The following FAM168B variants were observed in gnomAD, a reference collection of about 807,000 sequenced individuals.
FAM168B encodes the protein family with sequence similarity 168 member B, also known as myelin-associated neurite-outgrowth inhibitor.
In FAM168B, 19 loss-of-function variants were observed where a neutral mutation model predicts 21.8. The ratio of observed to expected loss-of-function variants is 0.87; its 90% confidence interval spans 0.61 to 1.28. The LOEUF is 1.28. Ranked by LOEUF, FAM168B falls within the 50% of genes most tolerant of loss-of-function variation. The probability of loss-of-function intolerance (pLI) is 0.00; values close to 1 mark genes in which losing one functional copy is unlikely to be tolerated. For missense variants in FAM168B, 233 were observed against 263.1 expected (o/e 0.89, Z 0.79); for synonymous variants, 126 against 104.8 (o/e 1.20, Z -1.24).
In FAM168B at chr2:131,048,884, C is replaced by T; in HGVS notation, c.*3581G>A. ...GCGCCCAATGGAGGTCCTGTCCTGT[C>T]CGGGCAACAGCCAAACTGGCGACAA... On this transcript the variant is annotated 3_prime_UTR_variant, in exon 7 of 7. Transcript: ENST00000389915. The T allele has an allele frequency of 1.0e-6, 1 of 986,052 alleles. No individual in the cohort carries two copies. The highest frequency in any genetic ancestry group is 1.2e-6 in the Non-Finnish European group (1 of 830,088). 61.1% of individuals were successfully genotyped at this position (986,052 alleles called of 1,614,324 possible).
rs942882576 is a variant in FAM168B at position 131,048,230 on chromosome 2, T to C, written c.*4235A>G. 5.4e-6 allele frequency: 7 copies of C among 1,303,576 alleles called. No individual in the cohort carries two copies. In the African/African-American group the frequency reaches 6.1e-5, roughly 11 times the overall value. The allele number at this position is 1,303,576 out of a possible 1,614,324, so 80.8% of individuals were successfully genotyped here. On this transcript the variant is annotated 3_prime_UTR_variant, in exon 7 of 7. Coordinates refer to ENST00000389915, the MANE Select transcript of FAM168B (RefSeq NM_001009993.4). ...TTTAGTTACAATCCATGAGGCTCTCTAGGGCCTCTCCGTGTGGCCAGCACA... is the reference window on the plus strand; with the variant it reads ...TTTAGTTACAATCCATGAGGCTCTCCAGGGCCTCTCCGTGTGGCCAGCACA...
At chr2:131,085,635 T>C (rs1294255682) in intron 1 of FAM168B, among the ~76,000 whole-genome samples, 1 of 152,248 alleles carries the variant, frequency 6.6e-6, no homozygotes, top group Non-Finnish European at 1.5e-5. Context: ...CCTTAGCCTC[T>C]GTAACAGGAA....
intron 5 of FAM168B, among the ~76,000 whole-genome samples, chr2:131,054,872 C>A (rs1229104393): frequency 6.6e-6 from 1 of 152,204 alleles, no homozygotes; most frequent in Non-Finnish European, 1.5e-5. Flanking sequence ...CTCCTAGATG[C>A]ATGAAAACAT....
chr2:131,087,063 C>CAAAAAAAA lies in FAM168B; in HGVS notation c.-11-4414_-11-4407dup, dbSNP rs70994735. On this transcript the variant is annotated intron_variant, in intron 1 of 6. Coordinates refer to ENST00000389915, the MANE Select transcript of FAM168B (RefSeq NM_001009993.4). ...CCTGGGCGACAGCGAGACTCCGTCT[C>CAAAAAAAA]AAAAAAAAAAAAAAAAAAAAAAGAG... Among the ~76,000 whole-genome samples the CAAAAAAAA allele has an allele frequency of 9.8e-5, 4 of 40,684 alleles. 1 individual carries two copies. In the African/African-American group the frequency reaches 1.1e-3, roughly 11 times the overall value. The allele number at this position is 40,684 out of a possible 152,430, so 26.7% of individuals were successfully genotyped here.
intron 3 of FAM168B, among the ~76,000 whole-genome samples, chr2:131,056,966 G>T (rs150384914): frequency 6.6e-6 from 1 of 152,246 alleles, no homozygotes; most frequent in East Asian, 1.9e-4. Context: ...ATGTGGTGAC[G>T]GTCATACAGC....
At chr2:131,054,799 C>T (rs957133729) in intron 5 of FAM168B, among the ~76,000 whole-genome samples, 1 of 152,180 alleles carries the variant, frequency 6.6e-6, no homozygotes, top group Non-Finnish European at 1.5e-5. Flanking sequence ...AAGTAAAGTA[C>T]GGTAGATGAA....
At chr2:131,074,313 G>A (rs1693027786) in intron 2 of FAM168B, among the ~76,000 whole-genome samples, 1 of 152,174 alleles carries the variant, frequency 6.6e-6, no homozygotes, top group African/African-American at 2.4e-5. Flanking sequence ...ATTTTTAGTA[G>A]AGACGGGGTT....
In FAM168B at chr2:131,051,230, C is replaced by A. The variant is rs1415631217; in HGVS notation, c.*1235G>T. ...ATCTCTAAGCGTCCCCTCCAGCCGG[C>A]CTCAGCAGACAAGTCACCACCATCA... On this transcript the variant is annotated 3_prime_UTR_variant, in exon 7 of 7. Transcript: ENST00000389915. The A allele has an allele frequency of 2.0e-6, 2 of 985,176 alleles. No homozygotes were observed. The highest frequency in any genetic ancestry group is 2.3e-4 in the East Asian group (2 of 8,752). 61.0% of individuals were successfully genotyped at this position (985,176 alleles called of 1,614,324 possible). A position where few individuals can be genotyped will look rare whatever the true frequency, so the allele number is the denominator to read the frequency against.
At chr2:131,073,437 AAT>A (rs1314575944) in intron 2 of FAM168B, among the ~76,000 whole-genome samples, 1 of 152,146 alleles carries the variant, frequency 6.6e-6, no homozygotes, top group East Asian at 1.9e-4. Flanking sequence ...ATGACCAGCT[AAT>A]ATGTTTTCAT....
intron 1 of FAM168B, among the ~76,000 whole-genome samples, chr2:131,092,176 G>C (rs969242026): frequency 6.6e-6 from 1 of 150,784 alleles, no homozygotes; most frequent in African/African-American, 2.4e-5. Flanking sequence ...AATTGATCCA[G>C]GAAAAGAAAC....
At chr2:131,081,611 A>C (rs895173736) in intron 2 of FAM168B, among the ~76,000 whole-genome samples, 1 of 152,190 alleles carries the variant, frequency 6.6e-6, no homozygotes, top group Non-Finnish European at 1.5e-5. Context: ...TGTTTAGTCT[A>C]TCTCTTTGCT....
intron 2 of FAM168B, 88 bp from the exon 3 acceptor site, chr2:131,072,026 T>C: frequency 1.3e-5 from 15 of 1,194,544 alleles, no homozygotes; most frequent in Non-Finnish European, 1.7e-5. Flanking sequence ...TCTTACCTTC[T>C]TCCCCAGAAC....
intron 3 of FAM168B, among the ~76,000 whole-genome samples, chr2:131,055,941 T>C (rs1183689244): frequency 1.3e-5 from 2 of 152,146 alleles, no homozygotes; most frequent in African/African-American, 2.4e-5. Context: ...GAGAACGTTC[T>C]ACAGATGGAA....
At chr2:131,090,068 C>T (rs560564965) in intron 1 of FAM168B, among the ~76,000 whole-genome samples, 50 of 149,726 alleles carry the variant, frequency 3.3e-4, no homozygotes, top group African/African-American at 1.2e-3. Context: ...GCCTGTAATC[C>T]CAGCACTTCG....
intron 2 of FAM168B, among the ~76,000 whole-genome samples, chr2:131,074,628 A>G (rs191714202): frequency 6.6e-6 from 1 of 152,190 alleles, no homozygotes; most frequent in Non-Finnish European, 1.5e-5. Flanking sequence ...CTCTTACAGC[A>G]CTTGGACTGG....
chr2:131,050,276 T>G lies in FAM168B; in HGVS notation c.*2189A>C, dbSNP rs1433609689. On this transcript the variant is annotated 3_prime_UTR_variant, in exon 7 of 7. Transcript: ENST00000389915. ...GTTGTACATGTATGTTTCCATTTTGTTGTGTGGGGCTTTTTAAAAGCATAC... is the reference window on the plus strand; with the variant it reads ...GTTGTACATGTATGTTTCCATTTTGGTGTGTGGGGCTTTTTAAAAGCATAC... 1 of 985,354 alleles carries G rather than the reference T, an allele frequency of 1.0e-6. No homozygotes were observed. The highest frequency in any genetic ancestry group is 1.2e-6 in the Non-Finnish European group (1 of 829,942). The allele number at this position is 985,354 out of a possible 1,614,324, so 61.0% of individuals were successfully genotyped here.
rs1691641997 is a variant in FAM168B at position 131,051,031 on chromosome 2, A to T, written c.*1434T>A. On this transcript the variant is annotated 3_prime_UTR_variant, in exon 7 of 7. Transcript: ENST00000389915. Reference sequence around the variant, plus strand: ...AGCCTTTTCATTTCTTATGTACAAGATTCAGATCCTAAACTCAAATTCCTC... The same window carrying T: ...AGCCTTTTCATTTCTTATGTACAAGTTTCAGATCCTAAACTCAAATTCCTC... The T allele has an allele frequency of 1.0e-6, 1 of 985,276 alleles. No homozygotes were observed. Among genetic ancestry groups the T allele is most frequent in the Non-Finnish European group, 1.2e-6 (1 of 829,976 alleles). The allele number at this position is 985,276 out of a possible 1,614,324, so 61.0% of individuals were successfully genotyped here. A position where few individuals can be genotyped will look rare whatever the true frequency, so the allele number is the denominator to read the frequency against.
At chr2:131,057,144 A>T (rs534332334) in intron 3 of FAM168B, among the ~76,000 whole-genome samples, 8 of 152,346 alleles carry the variant, frequency 5.3e-5, no homozygotes, top group Non-Finnish European at 8.8e-5. Flanking sequence ...CAACTTTGCA[A>T]GCCAGAGACA....
chr2:131,052,840 A>G (rs1356051177), intron 6 of FAM168B, 51 bp downstream of exon 6: 1 of 1,540,126 alleles, frequency 6.5e-7, no homozygotes. Context: ...CCACTGTCCC[A>G]TGGAAATGCC....
Sources: gnomAD v4.1 joint callset for allele counts (sites outside exome capture counted in the v4.1 genomes callset) on GRCh38, gnomAD v4.1.1 for gene constraint, MANE v1.5 for transcripts, NCBI Gene and HGNC (gene_info 2026-07-23, HGNC 2026-07-21) for gene names.